Variants in CTNNA3 observed in about 807,000 individuals in gnomAD.
CTNNA3 encodes catenin alpha-3.
CTNNA3 carries 76 observed loss-of-function variants against 95.7 expected under a neutral mutation model. That is an observed-to-expected ratio of 0.79 (90% CI 0.66 to 0.96). The LOEUF is 0.96. Ranked by LOEUF, CTNNA3 falls within the 40% of genes least tolerant of loss-of-function variation. The probability of loss-of-function intolerance (pLI) is 0.00; values close to 1 mark genes in which losing one functional copy is unlikely to be tolerated. For synonymous variants in CTNNA3, 431 were observed against 374.4 expected (o/e 1.15, Z -1.74); for missense variants, 1,191 against 1,089.8 (o/e 1.09, Z -1.31).
chr10:66,594,628 C>T (rs1173396732), intron 10 of CTNNA3, among the ~76,000 whole-genome samples: 1 of 152,134 alleles, frequency 6.6e-6, no homozygotes, highest in East Asian at 1.9e-4. Context: ...TTCCTTTATG[C>T]TATAAAACTG....
chr10:66,950,594 A>G (rs968465955), intron 7 of CTNNA3, among the ~76,000 whole-genome samples: 13 of 152,046 alleles, frequency 8.6e-5, no homozygotes, highest in African/African-American at 3.1e-4. Context: ...TATTTTATAT[A>G]TTTTTAATAA....
At chr10:66,685,221 ATATATATACGTATATATGTGTG>A (rs1401810435) in intron 9 of CTNNA3, among the ~76,000 whole-genome samples, 12 of 122,314 alleles carry the variant, frequency 9.8e-5, no homozygotes, top group Middle Eastern at 0.01. Flanking sequence ...ATATATGTGT[ATATATATACGTATATATGTGTG>A]TATATATACG....
chr10:66,484,473 G>C, intron 11 of CTNNA3, among the ~76,000 whole-genome samples: 1 of 151,920 alleles, frequency 6.6e-6, no homozygotes, highest in East Asian at 1.9e-4. Context: ...AAGAATAAAG[G>C]AGTGTCTGAA....
At chr10:66,447,759 G>A (rs1034904045) in intron 11 of CTNNA3, among the ~76,000 whole-genome samples, 12 of 151,900 alleles carry the variant, frequency 7.9e-5, no homozygotes, top group Non-Finnish European at 1.8e-4. Flanking sequence ...TCAGGACATA[G>A]GCATGGGCAA....
At chr10:66,261,725 T>G (rs2132102509) in intron 13 of CTNNA3, among the ~76,000 whole-genome samples, 1 of 152,158 alleles carries the variant, frequency 6.6e-6, no homozygotes, top group African/African-American at 2.4e-5. Context: ...ATCATAAGGC[T>G]TTTCTTTAAG....
intron 13 of CTNNA3, among the ~76,000 whole-genome samples, chr10:66,131,147 G>A (rs1482410783): frequency 6.6e-6 from 1 of 150,962 alleles, no homozygotes; most frequent in African/African-American, 2.4e-5. Context: ...ACACAAAGAA[G>A]AGCTGGTGCC....
chr10:67,124,333 G>GGTGTGTGT lies in CTNNA3; in HGVS notation c.1047+55976_1047+55983dup, dbSNP rs141981196. Among the ~76,000 whole-genome samples the GGTGTGTGT allele has an allele frequency of 6.2e-3, 883 of 141,854 alleles. 5 individuals are homozygous for GGTGTGTGT. Among genetic ancestry groups the GGTGTGTGT allele is most frequent in the Non-Finnish European group, 6.8e-3 (442 of 65,186 alleles). The allele number at this position is 141,854 out of a possible 152,430, so 93.1% of individuals were successfully genotyped here. ...CTCCTGCGTGTAGGGGTGTGTTAGC[G>GGTGTGTGT]GTGTGTGTGTGTGTGTGTGTGTGTG... On this transcript the variant is annotated intron_variant, in intron 7 of 17. Transcript: ENST00000433211.
chr10:66,131,478 T>C (rs986489838), intron 13 of CTNNA3, among the ~76,000 whole-genome samples: 22 of 152,126 alleles, frequency 1.4e-4, no homozygotes, highest in African/African-American at 5.3e-4. Flanking sequence ...CTGCACAAAG[T>C]AATAATTTGT....
intron 12 of CTNNA3, among the ~76,000 whole-genome samples, chr10:66,286,498 AGT>A (rs147682692): frequency 0.55 from 83,918 of 151,636 alleles, 24,449 homozygotes; most frequent in African/African-American, 0.75. Flanking sequence ...TCAGAAAAAC[AGT>A]TACAACAGGG....
chr10:66,202,198 T>A (rs1444541618), intron 13 of CTNNA3, among the ~76,000 whole-genome samples: 1 of 152,212 alleles, frequency 6.6e-6, no homozygotes, highest in Non-Finnish European at 1.5e-5. Context: ...ACATTGCTTT[T>A]ATTTCACAGT....
At chr10:67,024,607 A>G (rs953858817) in intron 7 of CTNNA3, among the ~76,000 whole-genome samples, 3 of 152,174 alleles carry the variant, frequency 2.0e-5, no homozygotes, top group Non-Finnish European at 4.4e-5. Flanking sequence ...TAACTTTGAA[A>G]GAAACAACAA....
At chr10:66,266,207 G>C (rs988510765) in intron 13 of CTNNA3, among the ~76,000 whole-genome samples, 1 of 151,826 alleles carries the variant, frequency 6.6e-6, no homozygotes, top group Non-Finnish European at 1.5e-5. Context: ...AGTAAGGCAA[G>C]TGTGATAATC....
intron 1 of CTNNA3, among the ~76,000 whole-genome samples, chr10:67,675,179 C>A (rs769737697): frequency 6.6e-6 from 1 of 151,900 alleles, no homozygotes; most frequent in Non-Finnish European, 1.5e-5. Flanking sequence ...TTTTGATTAT[C>A]TTTTCCTTAT....
Position 67,727,273 on chromosome 10 carries a change from TTCC to T in CTNNA3, c.-2+36158_-2+36160del, listed in dbSNP as rs1258660240. On this transcript the variant is annotated intron_variant, in intron 1 of 17. Transcript: ENST00000684154. ...ATATATAATATATGTAAACTGTACC[TTCC>T]TCAACAGTGACTAGAATTTTATATA... Among the ~76,000 whole-genome samples the T allele has an allele frequency of 1.8e-4, 23 of 131,208 alleles. No homozygotes were observed. The East Asian group carries it at 4.3e-3, about 24-fold the overall frequency. The allele number at this position is 131,208 out of a possible 152,430, so 86.1% of individuals were successfully genotyped here.
chr10:66,443,312 G>C (rs1051210619), intron 11 of CTNNA3, among the ~76,000 whole-genome samples: 1 of 152,110 alleles, frequency 6.6e-6, no homozygotes, highest in Non-Finnish European at 1.5e-5. Flanking sequence ...GAGAGTAATG[G>C]TTCTCCCAGC....
intron 13 of CTNNA3, among the ~76,000 whole-genome samples, chr10:66,136,627 T>C (rs113808619): frequency 0.01 from 1,531 of 152,272 alleles, 34 homozygotes; most frequent in African/African-American, 0.035. Context: ...ATGTGTAGCA[T>C]TTGCCAATTC....
intron 13 of CTNNA3, among the ~76,000 whole-genome samples, chr10:66,201,948 C>G (rs2087451149): frequency 6.6e-6 from 1 of 151,798 alleles, no homozygotes; most frequent in Non-Finnish European, 1.5e-5. Flanking sequence ...GGCACCATGC[C>G]TGGCTAACTT....
intron 7 of CTNNA3, among the ~76,000 whole-genome samples, chr10:67,168,549 G>C (rs1466816135): frequency 6.6e-6 from 1 of 152,156 alleles, no homozygotes; most frequent in African/African-American, 2.4e-5. Context: ...TATCTCAATA[G>C]CCACAGAAAA....
chr10:67,578,996 GATATATATATATATATATATATATAT>G (rs533690910), intron 3 of CTNNA3, among the ~76,000 whole-genome samples: 3 of 87,358 alleles, frequency 3.4e-5, no homozygotes, highest in South Asian at 3.4e-4. Context: ...TGATCATAGT[GATATATATATATATATATATATATAT>G]ATATATATAT....
Sources: allele counts gnomAD v4.1 joint callset (sites outside exome capture counted in the v4.1 genomes callset), GRCh38; gene constraint gnomAD v4.1.1; transcripts MANE v1.5; gene names NCBI Gene and HGNC (gene_info 2026-07-23, HGNC 2026-07-21).